The following RNASEH1 variants were observed in gnomAD, a reference collection of about 807,000 sequenced individuals.
The protein encoded by RNASEH1 is ribonuclease H type II.
RNASEH1 carries 27 observed loss-of-function variants against 34.6 expected under a neutral mutation model. That is an observed-to-expected ratio of 0.78 (90% confidence interval 0.58 to 1.08). The LOEUF is 1.08. Among genes scored for constraint, RNASEH1 ranks in the 50% least tolerant of loss-of-function variants. The probability of loss-of-function intolerance (pLI) is 0.00; values close to 1 mark genes in which losing one functional copy is unlikely to be tolerated. For missense variants in RNASEH1, 349 were observed against 373.6 expected, an observed-to-expected ratio of 0.93 and a Z score of 0.54; for synonymous variants, 162 against 138.4, an observed-to-expected ratio of 1.17 and a Z score of -1.20.
intron 7 of RNASEH1, among the ~76,000 whole-genome samples, chr2:3,546,528 T>C (rs929046928): frequency 2.0e-5 from 3 of 152,216 alleles, no homozygotes; most frequent in Admixed American, 1.3e-4. Context: ...TTTAACATTA[T>C]GATGCATTCC....
At chr2:3,539,473 G>A (rs1320830686), downstream of RNASEH1, among the ~76,000 whole-genome samples, 3 of 152,170 alleles carry the variant, frequency 2.0e-5, no homozygotes, top group Non-Finnish European at 4.4e-5. Context: ...GAGTCACCTT[G>A]TGCCAATTCC....
At chr2:3,547,031 G>A (rs993774396) in intron 7 of RNASEH1, among the ~76,000 whole-genome samples, 3 of 152,158 alleles carry the variant, frequency 2.0e-5, no homozygotes, top group Admixed American at 1.3e-4. Flanking sequence ...GCTGAGGCAC[G>A]AGAATCACTT....
intron 1 of RNASEH1, 76 bp from the exon 2 acceptor site, chr2:3,556,980 G>A (rs1323517816): frequency 1.2e-5 from 13 of 1,114,044 alleles, no homozygotes; most frequent in Non-Finnish European, 1.6e-5. Context: ...TCTTAAGGTT[G>A]GAAATACAGT....
chr2:3,545,891 CCT>C lies in RNASEH1; in HGVS notation c.775-22_775-21del. ...ATGCATCTGTTAAGATAAATGTTTTCCTTTTATTTTTACTCATCTTTACATAA... is the reference window on the plus strand; with the variant it reads ...ATGCATCTGTTAAGATAAATGTTTTCTTTATTTTTACTCATCTTTACATAA... On this transcript the variant is annotated intron_variant, in intron 7 of 7. Coordinates refer to ENST00000315212, the MANE Select transcript of RNASEH1 (RefSeq NM_002936.6). 6.4e-7 allele frequency: 1 copy of C among 1,570,336 alleles called. No homozygotes were observed. The highest frequency in any genetic ancestry group is 8.8e-7 in the Non-Finnish European group (1 of 1,140,160).
chr2:3,552,219 C>T lies in RNASEH1; in HGVS notation c.334G>A (p.Glu112Lys). The T allele has an allele frequency of 6.2e-7, 1 of 1,613,616 alleles. No homozygotes were observed. The highest frequency in any genetic ancestry group is 1.1e-5 in the South Asian group (1 of 91,046). ...PLDGDGHESA[E>K]PYAKHMKPSV... ...GGCTTCATGTGCTTTGCATACGGCT[C>T]TGCGCTTTCATGTCCATCTCCATCC... Residue 112 changes from glutamate (E) to lysine (K), a missense_variant, in exon 3 of 8, where the codon GAG (glutamate) becomes AAG (lysine). Physicochemically the swap from Glu to Lys is moderately conservative, Grantham distance 56. Coordinates refer to ENST00000315212, the MANE Select transcript of RNASEH1 (RefSeq NM_002936.6).
Position 3,544,394 on chromosome 2 carries a change from C to T in RNASEH1, c.*1391G>A, listed in dbSNP as rs1180138650. Among the ~76,000 whole-genome samples, 1 of 152,152 alleles carries T rather than the reference C, an allele frequency of 6.6e-6. No homozygotes were observed. Among genetic ancestry groups the T allele is most frequent in the South Asian group, 2.1e-4 (1 of 4,834 alleles). The stretch of plus-strand genomic sequence containing the variant: ...AGCCATGGGACAAACAGCCCAGGCT[C>T]TTCAACAGATAAACGGCAGGGAAAA... On this transcript the variant is annotated 3_prime_UTR_variant, in exon 8 of 8. Transcript: ENST00000315212.
chr2:3,535,680 T>C, the RNASEH1 span, among the ~76,000 whole-genome samples: 4 of 151,608 alleles, frequency 2.6e-5, no homozygotes, highest in Admixed American at 6.6e-5. Context: ...GGGGAGGAAT[T>C]TGCATTTTAT....
At chr2:3,539,292 G>A (rs543366347), downstream of RNASEH1, among the ~76,000 whole-genome samples, 3 of 152,222 alleles carry the variant, frequency 2.0e-5, no homozygotes, top group African/African-American at 7.2e-5. Flanking sequence ...GTCAGCTGCG[G>A]GCAGAGACAG....
chr2:3,556,035 G>A (rs1247941644), intron 2 of RNASEH1, among the ~76,000 whole-genome samples: 4 of 152,018 alleles, frequency 2.6e-5, no homozygotes, highest in African/African-American at 7.2e-5. Flanking sequence ...TTAGCCGGGC[G>A]TGGTGGCACG....
At chr2:3,537,769 G>A (rs1668061190), downstream of RNASEH1, among the ~76,000 whole-genome samples, 1 of 152,122 alleles carries the variant, frequency 6.6e-6, no homozygotes, top group Non-Finnish European at 1.5e-5. Context: ...TGGGCACGGT[G>A]GCTCATGCCT....
chr2:3,556,067 C>T (rs1197607313), intron 2 of RNASEH1, among the ~76,000 whole-genome samples: 1 of 151,888 alleles, frequency 6.6e-6, no homozygotes, highest in Non-Finnish European at 1.5e-5. Context: ...CCAGCTACTC[C>T]GGAAGCTGAA....
intron 3 of RNASEH1, among the ~76,000 whole-genome samples, chr2:3,551,107 AAG>A (rs1659839946): frequency 6.6e-6 from 1 of 152,232 alleles, no homozygotes; most frequent in Non-Finnish European, 1.5e-5. Flanking sequence ...ACAGTGTTAA[AAG>A]AGCTGGGCGA....
chr2:3,549,230 TA>T, intron 4 of RNASEH1, 118 bp from the exon 5 acceptor site: 1 of 887,696 alleles, frequency 1.1e-6, no homozygotes. Context: ...AAGCATCATA[TA>T]AAAATCAAAC....
intron 3 of RNASEH1, among the ~76,000 whole-genome samples, chr2:3,550,792 C>T (rs1159946750): frequency 6.6e-6 from 1 of 152,202 alleles, no homozygotes; most frequent in Non-Finnish European, 1.5e-5. Context: ...GGCGCTGTCT[C>T]CACGGCAGGG....
At chr2:3,548,984 AAAG>A (rs1572302183) in intron 5 of RNASEH1, 71 bp downstream of exon 5, 10 of 1,223,954 alleles carry the variant, frequency 8.2e-6, no homozygotes, top group Admixed American at 1.9e-5. Flanking sequence ...GTAGAAAAAA[AAAG>A]AATTAGTTTA....
Position 3,555,194 on chromosome 2 carries a change from G to A in RNASEH1, c.244+1595C>T, listed in dbSNP as rs72767168. Among the ~76,000 whole-genome samples the A allele has an allele frequency of 9.7e-3, 1,439 of 148,910 alleles. 12 individuals carry two copies. Among genetic ancestry groups the A allele is most frequent in the Non-Finnish European group, 0.014 (955 of 66,500 alleles). On this transcript the variant is annotated intron_variant, in intron 2 of 7. Transcript: ENST00000315212. ...TCGGTCTCCTCCTGATCTCACCTCC[G>A]CCTTTCTTTCCCCTTCCCTTAACAT... is the stretch of plus-strand genomic sequence containing the variant.
chr2:3,535,603 C>G, the RNASEH1 span, among the ~76,000 whole-genome samples: 3 of 151,858 alleles, frequency 2.0e-5, no homozygotes, highest in Non-Finnish European at 4.4e-5. Flanking sequence ...CAGTAAGAGC[C>G]GCATGGCTGG....
At chr2:3,556,682 C>T (rs745601040) in intron 2 of RNASEH1, 107 bp downstream of exon 2, 388 of 683,356 alleles carry the variant, frequency 5.7e-4, no homozygotes, top group Non-Finnish European at 8.8e-4. Flanking sequence ...AACAATCACA[C>T]GAGGTTCCCT....
At chr2:3,540,643 G>A (rs866020943), downstream of RNASEH1, among the ~76,000 whole-genome samples, 4 of 152,180 alleles carry the variant, frequency 2.6e-5, no homozygotes, top group Admixed American at 2.0e-4. Context: ...GCCTGACCTC[G>A]TGATCCACTT....
Sources: allele counts gnomAD v4.1 joint callset (sites outside exome capture counted in the v4.1 genomes callset), GRCh38; gene constraint gnomAD v4.1.1; transcripts MANE v1.5; gene names NCBI Gene and HGNC (gene_info 2026-07-23, HGNC 2026-07-21).